SGCD: variants seen among roughly 807,000 people sequenced by gnomAD.
SGCD encodes delta-sarcoglycan.
Under a neutral mutation model 36.6 loss-of-function variants are expected in SGCD, and 18 were observed. That is an observed-to-expected ratio of 0.49 (90% CI 0.34 to 0.73). SGCD has a LOEUF of 0.73. Ranked by LOEUF, SGCD falls within the 30% of genes least tolerant of loss-of-function variation. SGCD has a pLI of 0.01. For synonymous variants in SGCD, 133 were observed against 130.6 expected (o/e 1.02, Z -0.12); for missense variants, 387 against 346.7 (o/e 1.12, Z -0.92).
At chr5:156,018,539 T>G (rs894816834) in intron 1 of SGCD, among the ~76,000 whole-genome samples, 2 of 152,192 alleles carry the variant, frequency 1.3e-5, no homozygotes, top group Admixed American at 1.3e-4. Context: ...TATTGGTAAA[T>G]TGTTTTTAAT....
chr5:156,276,091 C>T (rs1766312315), intron 3 of SGCD, among the ~76,000 whole-genome samples: 1 of 152,118 alleles, frequency 6.6e-6, no homozygotes, highest in Admixed American at 6.6e-5. Flanking sequence ...CAACTCAATT[C>T]TATCAGAATG....
At chr5:156,184,412 G>A (rs866702629) in intron 3 of SGCD, among the ~76,000 whole-genome samples, 15 of 145,310 alleles carry the variant, frequency 1.0e-4, no homozygotes, top group African/African-American at 2.8e-4. Context: ...ATTAGCTTTT[G>A]GATTGTTAAA....
chr5:155,808,012 A>G, the SGCD span, among the ~76,000 whole-genome samples: 1,713 of 152,340 alleles, frequency 0.011, 15 homozygotes, highest in Non-Finnish European at 0.018. Flanking sequence ...TGGAATTGCT[A>G]TATCTGCAAC....
chr5:155,794,740 T>C, the SGCD span, among the ~76,000 whole-genome samples: 1 of 151,890 alleles, frequency 6.6e-6, no homozygotes, highest in East Asian at 1.9e-4. Flanking sequence ...GAAAAAAGAA[T>C]TTGTGGCAGA....
chr5:156,563,617 T>G (rs1054030659), intron 4 of SGCD, among the ~76,000 whole-genome samples: 2 of 152,242 alleles, frequency 1.3e-5, no homozygotes, highest in East Asian at 3.8e-4. Flanking sequence ...TTTGCCATAC[T>G]TAGTCTCTTT....
chr5:155,965,115 A>G (rs1213646672), intron 1 of SGCD, among the ~76,000 whole-genome samples: 1 of 152,112 alleles, frequency 6.6e-6, no homozygotes, highest in East Asian at 1.9e-4. Flanking sequence ...TCAGACATCT[A>G]TTAGGTGCAT....
At chr5:156,419,168 G>A (rs774464960) in intron 3 of SGCD, among the ~76,000 whole-genome samples, 1 of 152,096 alleles carries the variant, frequency 6.6e-6, no homozygotes, top group Non-Finnish European at 1.5e-5. Context: ...TGCATCTTGA[G>A]TATTTGACCA....
intron 1 of SGCD, among the ~76,000 whole-genome samples, chr5:156,010,259 A>G (rs1196664927): frequency 1.3e-5 from 2 of 152,214 alleles, no homozygotes; most frequent in East Asian, 3.8e-4. Context: ...ATTAAATAAC[A>G]TCTTAATCTT....
intron 1 of SGCD, among the ~76,000 whole-genome samples, chr5:155,932,953 G>T (rs997843937): frequency 2.0e-5 from 3 of 151,624 alleles, no homozygotes; most frequent in African/African-American, 7.3e-5. Context: ...AGAATGTCAG[G>T]GCTGGGAAAG....
At chr5:155,976,958 A>G (rs1419083372) in intron 1 of SGCD, among the ~76,000 whole-genome samples, 1 of 152,096 alleles carries the variant, frequency 6.6e-6, no homozygotes, top group African/African-American at 2.4e-5. Context: ...TGAAATGCAT[A>G]TTGGATCCCC....
At chr5:156,479,170 G>A (rs926529087) in intron 3 of SGCD, among the ~76,000 whole-genome samples, 1 of 151,916 alleles carries the variant, frequency 6.6e-6, no homozygotes, top group African/African-American at 2.4e-5. Flanking sequence ...TCGGCTCACT[G>A]CAACCTCCAC....
intron 1 of SGCD, among the ~76,000 whole-genome samples, chr5:156,016,151 G>A (rs1040541141): frequency 1.1e-4 from 16 of 152,134 alleles, no homozygotes; most frequent in Admixed American, 9.8e-4. Context: ...ACATGTAATA[G>A]GCTCAGAACA....
intron 1 of SGCD, among the ~76,000 whole-genome samples, chr5:156,112,972 T>C (rs1461285436): frequency 6.6e-6 from 1 of 152,232 alleles, no homozygotes; most frequent in Non-Finnish European, 1.5e-5. Context: ...TGAAGGCTTA[T>C]TTCCAATGCA....
the SGCD span, among the ~76,000 whole-genome samples, chr5:155,807,049 A>G: frequency 6.6e-6 from 1 of 152,360 alleles, no homozygotes; most frequent in South Asian, 2.1e-4. Context: ...TATTATATAC[A>G]CAAGTAAAAA....
intron 3 of SGCD, among the ~76,000 whole-genome samples, chr5:156,420,062 G>A (rs1399829038): frequency 6.6e-6 from 1 of 152,182 alleles, no homozygotes; most frequent in Non-Finnish European, 1.5e-5. Context: ...TGGTCTTGGG[G>A]TATCTTACTT....
intron 3 of SGCD, among the ~76,000 whole-genome samples, chr5:156,191,209 G>C (rs1239198018): frequency 6.6e-6 from 1 of 152,026 alleles, no homozygotes; most frequent in African/African-American, 2.4e-5. Flanking sequence ...ACCTTACAGA[G>C]ATGAGAAAAG....
At chr5:156,204,942 A>G (rs528695245) in intron 3 of SGCD, among the ~76,000 whole-genome samples, 1 of 152,252 alleles carries the variant, frequency 6.6e-6, no homozygotes, top group East Asian at 1.9e-4. Context: ...TCAAAAGACC[A>G]GAGAAATTGT....
At chr5:156,571,693 T>C (rs1759730447) in intron 4 of SGCD, among the ~76,000 whole-genome samples, 1 of 152,210 alleles carries the variant, frequency 6.6e-6, no homozygotes, top group Admixed American at 6.5e-5. Flanking sequence ...GCCTTCATGG[T>C]AGTTAGTATT....
At chr5:156,238,035 AC>A (rs1335781436) in intron 3 of SGCD, among the ~76,000 whole-genome samples, 1 of 151,398 alleles carries the variant, frequency 6.6e-6, no homozygotes, top group African/African-American at 2.4e-5. Flanking sequence ...GGAACTTTGA[AC>A]CCCCGAGCTC....
Sources: allele counts gnomAD v4.1 joint callset (sites outside exome capture counted in the v4.1 genomes callset), GRCh38; gene constraint gnomAD v4.1.1; transcripts MANE v1.5; gene names NCBI Gene and HGNC (gene_info 2026-07-23, HGNC 2026-07-21).